Variants in ATF6B observed in about 807,000 individuals in gnomAD.
ATF6B encodes the protein activating transcription factor 6 beta, also known as cyclic AMP-dependent transcription factor ATF-6 beta.
ATF6B carries 50 observed loss-of-function variants against 83.5 expected under a neutral mutation model. The observed-to-expected ratio is 0.60, with a 90% CI of 0.48 to 0.76. ATF6B has a LOEUF of 0.76. ATF6B is among the 30% of genes least tolerant of loss of function. The pLI is 0.00. For missense variants in ATF6B, 790 were observed against 893.8 expected, an observed-to-expected ratio of 0.88 and a Z score of 1.48; for synonymous variants, 344 against 362.8, an observed-to-expected ratio of 0.95 and a Z score of 0.59.
At chr6:32,115,993 AGAG>A in intron 17 of ATF6B, 25 bp from the exon 18 acceptor site, 1 of 1,586,766 alleles carries the variant, frequency 6.3e-7, no homozygotes, top group Non-Finnish European at 8.6e-7. Flanking sequence ...GAGTTAAGGA[AGAG>A]GAGATGGGGA....
In ATF6B at chr6:32,117,486, G is replaced by A. The variant is rs576151628; in HGVS notation, c.1533-82C>T. 1.3e-4 allele frequency: 206 copies of A among 1,594,972 alleles called. No individual in the cohort carries two copies. Among genetic ancestry groups the A allele is most frequent in the South Asian group, 2.5e-4 (22 of 89,758 alleles). Reference sequence around the variant, plus strand: ...TGCCCACCCACAGGAGTGAGGAGAGGGCAGGGAGCACTGGCGCTTTAGTAC... The same window carrying A: ...TGCCCACCCACAGGAGTGAGGAGAGAGCAGGGAGCACTGGCGCTTTAGTAC... On this transcript the variant is annotated intron_variant, in intron 13 of 17. Transcript: ENST00000375203. The surrounding 1 kb of genome is among the most constrained non-coding windows in gnomAD (Gnocchi z 5.0).
Position 32,118,650 on chromosome 6 carries a change from G to T in ATF6B, c.1244+125C>A. On this transcript the variant is annotated intron_variant, in intron 11 of 17. Coordinates refer to ENST00000375203, the MANE Select transcript of ATF6B (RefSeq NM_004381.5). The surrounding 1 kb of genome is among the most constrained non-coding windows in gnomAD (Gnocchi z 5.2). Reference sequence around the variant, plus strand: ...AAGGGGCTGGCCAGACACATCATCGGTGCCAAGGACACCAGAACCATTTGT... The same window carrying T: ...AAGGGGCTGGCCAGACACATCATCGTTGCCAAGGACACCAGAACCATTTGT... 1 of 927,930 alleles carries T rather than the reference G, an allele frequency of 1.1e-6. No individual in the cohort carries two copies. Among genetic ancestry groups the T allele is most frequent in the Non-Finnish European group, 1.7e-6 (1 of 595,672 alleles). 57.5% of individuals were successfully genotyped at this position (927,930 alleles called of 1,614,324 possible).
Position 32,127,093 on chromosome 6 carries a change from G to A in ATF6B, c.342+10C>T. On this transcript the variant is annotated intron_variant, in intron 4 of 17. Transcript: ENST00000375203. Reference sequence around the variant, plus strand: ...CGTCACAGAGAGTAAGAGGGATATGGCTCTCTCACCTCGCTGGATGGCTCT... The same window carrying A: ...CGTCACAGAGAGTAAGAGGGATATGACTCTCTCACCTCGCTGGATGGCTCT... 1 of 1,575,864 alleles carries A rather than the reference G, an allele frequency of 6.3e-7. No homozygotes were observed. The highest frequency in any genetic ancestry group is 1.7e-4 in the Middle Eastern group (1 of 5,946).
Position 32,128,156 on chromosome 6 carries a change from T to A in ATF6B, c.52A>T (p.Thr18Ser), listed in dbSNP as rs927876286. ...SEIADPTRFF[T>S]DNLLSPEDWG... ...TCCTCCGGGCTAAGCAGGTTGTCGG[T>A]GAAGAAACGCGTCGGGTCAGCAATC... Residue 18 changes from threonine (T) to serine (S), a missense_variant, in exon 1 of 18, where the codon ACC (threonine) becomes TCC (serine). Physicochemically the swap from Thr to Ser is moderately conservative, Grantham distance 58. Coordinates refer to ENST00000375203, the MANE Select transcript of ATF6B (RefSeq NM_004381.5). The A allele has an allele frequency of 1.9e-6, 3 of 1,612,946 alleles. No homozygotes were observed. The highest frequency in any genetic ancestry group is 1.7e-5 in the Admixed American group (1 of 59,926).
rs374721150 is a variant in ATF6B, at chr6:32,117,809, G to T, written c.1424+50C>A. 101 of 1,564,628 alleles carry T rather than the reference G, an allele frequency of 6.5e-5. No homozygotes were observed. The highest frequency in any genetic ancestry group is 8.2e-5 in the Non-Finnish European group (95 of 1,156,128). Reference sequence around the variant, plus strand: ...TCCCCCTCACTGAAAGCGGGGAGAAGACCAACTCATACCCTCAAACGAGAG... The same window carrying T: ...TCCCCCTCACTGAAAGCGGGGAGAATACCAACTCATACCCTCAAACGAGAG... On this transcript the variant is annotated intron_variant, in intron 12 of 17. Coordinates refer to ENST00000375203, the MANE Select transcript of ATF6B (RefSeq NM_004381.5). The surrounding 1 kb of genome is among the most constrained non-coding windows in gnomAD (Gnocchi z 5.0).
At chr6:32,127,337 C>T in intron 3 of ATF6B, 105 bp downstream of exon 3, 6 of 1,387,604 alleles carry the variant, frequency 4.3e-6, no homozygotes, top group Non-Finnish European at 5.9e-6. Flanking sequence ...AGAGGATAGG[C>T]ACTTATGTAG....
Position 32,117,394 on chromosome 6 carries a change from C to T in ATF6B, c.1543G>A (p.Glu515Lys), listed in dbSNP as rs767963787. The change falls in exon 14 of 18, where the codon GAG becomes AAG. Residue 515 changes from glutamate to lysine, a missense_variant. Around this residue, in one of 3 missense-constraint regions of ATF6B, gnomAD observed 530 missense variants for 632.6 expected, o/e 0.84. Coordinates refer to ENST00000375203, the MANE Select transcript of ATF6B (RefSeq NM_004381.5). The surrounding 1 kb of genome is among the most constrained non-coding windows in gnomAD (Gnocchi z 5.0). The part of the protein sequence containing the change: ...NRTESLRLAD[E>K]LSGWVQRHQR... ...TGGCGCTGGACCCAGCCACTCAACT[C>T]GTCAGCAAGCCTGGGGAAATGGAGG... 20 of 1,613,980 alleles carry T rather than the reference C, an allele frequency of 1.2e-5. No homozygotes were observed. The Admixed American group carries it at 1.3e-4, about 11-fold the overall frequency.
At position 32,119,791 on chromosome 6, in the gene ATF6B, A is replaced by G. The variant is rs772559593; in HGVS notation, c.966+33T>C. On this transcript the variant is annotated intron_variant, in intron 9 of 17. Transcript: ENST00000375203. This position sits in a 1 kb window ranked among gnomAD's most constrained non-coding sequence, Gnocchi z 4.9. The stretch of plus-strand genomic sequence containing the variant: ...AAGACTTCCCTCTTCCCTTCCCATC[A>G]CTCGCCCTACTTCTCTCCTCCCCAA... The G allele has an allele frequency of 1.2e-6, 2 of 1,606,406 alleles. No homozygotes were observed. The highest frequency in any genetic ancestry group is 1.7e-6 in the Non-Finnish European group (2 of 1,175,398).
Position 32,118,723 on chromosome 6 carries a change from C to G in ATF6B, c.1244+52G>C. On this transcript the variant is annotated intron_variant, in intron 11 of 17. Transcript: ENST00000375203. The surrounding 1 kb of genome is among the most constrained non-coding windows in gnomAD (Gnocchi z 5.2). ...TGGGCCAAAGCAGGCAGCTAGGAGG[C>G]TGTAACGTGGGCTCCACCTGGAAGG... is the stretch of plus-strand genomic sequence containing the variant. The G allele has an allele frequency of 6.4e-7, 1 of 1,571,120 alleles. No individual in the cohort carries two copies. Among genetic ancestry groups the G allele is most frequent in the Admixed American group, 1.7e-5 (1 of 59,642 alleles).
At chr6:32,127,968 C>T in intron 1 of ATF6B, 149 bp downstream of exon 1, 4 of 1,005,908 alleles carry the variant, frequency 4.0e-6, no homozygotes, top group Non-Finnish European at 5.9e-6. Context: ...ACTTTTGTAT[C>T]CCCCTTAATG....
At chr6:32,128,052 C>T (rs749019440) in intron 1 of ATF6B, 65 bp downstream of exon 1, 22 of 1,588,070 alleles carry the variant, frequency 1.4e-5, no homozygotes, top group Admixed American at 5.0e-5. Flanking sequence ...CTTTAGGCCC[C>T]CGCTTCTTTC....
chr6:32,126,930 G>C (rs1050126770), intron 4 of ATF6B, among the ~76,000 whole-genome samples, 173 bp downstream of exon 4: 5 of 152,190 alleles, frequency 3.3e-5, no homozygotes, highest in Non-Finnish European at 5.9e-5. Context: ...AGGGGATGTG[G>C]AAAATGAAGA....
In ATF6B at chr6:32,128,224, C is replaced by CAAATCT. The variant is rs1782078301; in HGVS notation, c.-18_-17insAGATTT. 3 of 1,604,576 alleles carry CAAATCT rather than the reference C, an allele frequency of 1.9e-6. No homozygotes were observed. Among genetic ancestry groups the CAAATCT allele is most frequent in the East Asian group, 4.5e-5 (2 of 44,604 alleles). ...CTCCGCCATCTTTCCCCCCCACCCCCCAACCAGGAGACGGTTCCCAAGGCC... is the reference window on the plus strand; with the variant it reads ...CTCCGCCATCTTTCCCCCCCACCCCCAAATCTCAACCAGGAGACGGTTCCCAAGGCC... On this transcript the variant is annotated 5_prime_UTR_variant, in exon 1 of 18. Coordinates refer to ENST00000375203, the MANE Select transcript of ATF6B (RefSeq NM_004381.5).
chr6:32,126,249 G>C lies in ATF6B; in HGVS notation c.346C>G (p.Leu116Val). Reference sequence around the variant, plus strand: ...ACATGGAGCACCTCCCCTACCCCAAGAGCCTGGGTGAGAGTTGGTGTGGGG... The same window carrying C: ...ACATGGAGCACCTCCCCTACCCCAACAGCCTGGGTGAGAGTTGGTGTGGGG... Reference protein sequence around the residue: ...RLSTEPSSEALGVGEVLHVKT... With the variant: ...RLSTEPSSEAVGVGEVLHVKT... Residue 116 changes from leucine (L) to valine (V), a missense_variant, in exon 5 of 18, where the codon CTT becomes GTT. Around this residue, in one of 3 missense-constraint regions of ATF6B, gnomAD observed 253 missense variants for 243.1 expected, o/e 1.04. Coordinates refer to ENST00000375203, the MANE Select transcript of ATF6B (RefSeq NM_004381.5). 1 of 1,613,872 alleles carries C rather than the reference G, an allele frequency of 6.2e-7. No individual in the cohort carries two copies.
chr6:32,116,929 G>T lies in ATF6B; in HGVS notation c.1685+108C>A. ...AGGAGACCCCCAGTGGAGGAGGGAGGTATAATCCCACTGGTGACAGTAATG... is the reference window on the plus strand; with the variant it reads ...AGGAGACCCCCAGTGGAGGAGGGAGTTATAATCCCACTGGTGACAGTAATG... On this transcript the variant is annotated intron_variant, in intron 15 of 17. Coordinates refer to ENST00000375203, the MANE Select transcript of ATF6B (RefSeq NM_004381.5). The surrounding 1 kb of genome is among the most constrained non-coding windows in gnomAD (Gnocchi z 5.1). 6.6e-7 allele frequency: 1 copy of T among 1,519,044 alleles called. No homozygotes were observed. The highest frequency in any genetic ancestry group is 9.1e-7 in the Non-Finnish European group (1 of 1,096,450). The allele number at this position is 1,519,044 out of a possible 1,614,324, so 94.1% of individuals were successfully genotyped here.
In ATF6B at chr6:32,118,965, C is replaced by T; in HGVS notation, c.1143G>A (p.Leu381=). 2 of 1,613,960 alleles carry T rather than the reference C, an allele frequency of 1.2e-6. No homozygotes were observed. The highest frequency in any genetic ancestry group is 1.7e-6 in the Non-Finnish European group (2 of 1,179,836). ...GACAGACTGGTCTTACTTCAGCCAGCAGGGCCTCCAGCCGCCGCCGGAGGG... is the reference window on the plus strand; with the variant it reads ...GACAGACTGGTCTTACTTCAGCCAGTAGGGCCTCCAGCCGCCGCCGGAGGG... The part of the protein sequence containing the change: ...NAALRRRLEA[L]LAENSELKLG... Residue 381 remains leucine (L), a synonymous_variant, in exon 10 of 18, where the codon CTG becomes CTA. Transcript: ENST00000375203. The surrounding 1 kb of genome is among the most constrained non-coding windows in gnomAD (Gnocchi z 5.2).
chr6:32,120,045 A>G, intron 8 of ATF6B, 88 bp from the exon 9 acceptor site: 2 of 1,481,522 alleles, frequency 1.3e-6, no homozygotes, highest in South Asian at 2.7e-5. Flanking sequence ...AGGATTGGGC[A>G]GCCTCAATGG....
intron 5 of ATF6B, among the ~76,000 whole-genome samples, chr6:32,122,997 C>A (rs1365838078): frequency 6.6e-6 from 1 of 151,794 alleles, no homozygotes; most frequent in Non-Finnish European, 1.5e-5. Flanking sequence ...ACACCCAACG[C>A]AGGTGGATTG....
At position 32,116,913 on chromosome 6, in the gene ATF6B, C is replaced by T; in HGVS notation, c.1686-98G>A. On this transcript the variant is annotated intron_variant, in intron 15 of 17. Transcript: ENST00000375203. The surrounding 1 kb of genome is among the most constrained non-coding windows in gnomAD (Gnocchi z 5.1). ...GATGAGAGAAAAAGACAGGAGACCCCCAGTGGAGGAGGGAGGTATAATCCC... is the reference window on the plus strand; with the variant it reads ...GATGAGAGAAAAAGACAGGAGACCCTCAGTGGAGGAGGGAGGTATAATCCC... 1 of 1,527,788 alleles carries T rather than the reference C, an allele frequency of 6.5e-7. No individual in the cohort carries two copies. Among genetic ancestry groups the T allele is most frequent in the Non-Finnish European group, 9.1e-7 (1 of 1,104,656 alleles). The allele number at this position is 1,527,788 out of a possible 1,614,324, so 94.6% of individuals were successfully genotyped here.
Sources: gnomAD v4.1 joint callset for allele counts (sites outside exome capture counted in the v4.1 genomes callset) on GRCh38, gnomAD v4.1.1 for gene constraint, gnomAD v4.1.1 regional missense constraint, Gnocchi (gnomAD v3.1) non-coding constraint, MANE v1.5 for transcripts, NCBI Gene and HGNC (gene_info 2026-07-23, HGNC 2026-07-21) for gene names.